The following CRACD variants were observed in gnomAD, a reference collection of about 807,000 sequenced individuals.
CRACD encodes the protein capping protein-inhibiting regulator of actin dynamics.
In CRACD, 56 loss-of-function variants were observed where a neutral mutation model predicts 106.8. The ratio of observed to expected loss-of-function variants is 0.52; its 90% CI spans 0.42 to 0.66. The LOEUF (loss-of-function observed/expected upper bound fraction) is 0.66. Among genes scored for constraint, CRACD ranks in the 30% least tolerant of loss-of-function variants. CRACD has a pLI of 0.00. For synonymous variants in CRACD, 754 were observed against 670.8 expected (o/e 1.12, Z -1.92); for missense variants, 1,730 against 1,623.2 (o/e 1.07, Z -1.13).
intron 1 of CRACD, among the ~76,000 whole-genome samples, chr4:56,152,167 G>A (rs1202499058): frequency 3.3e-5 from 5 of 150,516 alleles, no homozygotes; most frequent in African/African-American, 4.9e-5. Context: ...CTGCCACCAC[G>A]CCCAGCTAAT....
intron 3 of CRACD, among the ~76,000 whole-genome samples, chr4:56,278,993 C>T (rs1467262988): frequency 6.6e-6 from 1 of 152,108 alleles, no homozygotes; most frequent in Non-Finnish European, 1.5e-5. Context: ...TAGACAGTAA[C>T]AAGTGTTGAT....
intron 5 of CRACD, among the ~76,000 whole-genome samples, chr4:56,310,299 G>A (rs1483154443): frequency 6.6e-6 from 1 of 152,114 alleles, no homozygotes; most frequent in Non-Finnish European, 1.5e-5. Flanking sequence ...CAGCCAGCAA[G>A]GCCAAAAGCA....
intron 2 of CRACD, among the ~76,000 whole-genome samples, chr4:56,228,674 TGTGGGTTGCG>T (rs368352185): frequency 0.01 from 1,528 of 147,648 alleles, 7 homozygotes; most frequent in Non-Finnish European, 0.018. Context: ...AAGCAGCTAG[TGTGGGTTGCG>T]GAGAAATCGG....
At chr4:56,114,457 G>C (rs1734216977) in intron 1 of CRACD, among the ~76,000 whole-genome samples, 1 of 152,052 alleles carries the variant, frequency 6.6e-6, no homozygotes, top group Non-Finnish European at 1.5e-5. Context: ...GTATAGCTGT[G>C]AGGGAGTCGG....
intron 1 of CRACD, among the ~76,000 whole-genome samples, chr4:56,176,595 A>AT (rs1736594723): frequency 2.0e-5 from 3 of 151,744 alleles, no homozygotes; most frequent in Admixed American, 6.6e-5. Flanking sequence ...CGCCCGGCTA[A>AT]TTTTTTTGTT....
At chr4:56,267,557 G>A (rs1020155510) in intron 2 of CRACD, among the ~76,000 whole-genome samples, 2 of 152,188 alleles carry the variant, frequency 1.3e-5, no homozygotes, top group African/African-American at 4.8e-5. Context: ...TTTAATGATA[G>A]CATCTATGTT....
At chr4:56,099,674 A>G (rs1456941819) in intron 1 of CRACD, among the ~76,000 whole-genome samples, 1 of 152,184 alleles carries the variant, frequency 6.6e-6, no homozygotes, top group South Asian at 2.1e-4. Flanking sequence ...GGCCAAGCCA[A>G]CAGAGTTCAA....
At chr4:56,210,458 G>C (rs1199794586) in intron 2 of CRACD, among the ~76,000 whole-genome samples, 1 of 152,142 alleles carries the variant, frequency 6.6e-6, no homozygotes, top group Non-Finnish European at 1.5e-5. Flanking sequence ...ACTTTTCAAA[G>C]TTTCTTCCCA....
chr4:56,067,772 C>T (rs1315562499), intron 1 of CRACD, among the ~76,000 whole-genome samples: 2 of 152,066 alleles, frequency 1.3e-5, no homozygotes, highest in East Asian at 1.9e-4. Context: ...GATGGGGTTT[C>T]ACCATGTTGG....
chr4:56,078,782 G>A (rs1732926206), intron 1 of CRACD, among the ~76,000 whole-genome samples: 1 of 152,132 alleles, frequency 6.6e-6, no homozygotes, highest in South Asian at 2.1e-4. Context: ...GTTCTCATCT[G>A]GGAGATCAGG....
At chr4:56,110,112 TTACA>T (rs1384331206) in intron 1 of CRACD, among the ~76,000 whole-genome samples, 11 of 152,124 alleles carry the variant, frequency 7.2e-5, no homozygotes, top group Non-Finnish European at 1.6e-4. Flanking sequence ...GCAAATCAGG[TTACA>T]TACCCAAAGT....
chr4:56,263,573 T>C (rs1741829273), intron 2 of CRACD, among the ~76,000 whole-genome samples: 1 of 152,150 alleles, frequency 6.6e-6, no homozygotes, highest in Non-Finnish European at 1.5e-5. Flanking sequence ...TCTCCTCCTC[T>C]TATGAGAGAA....
chr4:56,256,811 G>C, intron 2 of CRACD, among the ~76,000 whole-genome samples: 1 of 152,174 alleles, frequency 6.6e-6, no homozygotes, highest in East Asian at 1.9e-4. Context: ...CCAACAGATT[G>C]AATGGACCCC....
In CRACD at chr4:56,329,605, T is replaced by C. The variant is rs1264105082; in HGVS notation, c.*1801T>C. Among the ~76,000 whole-genome samples, 1 of 152,234 alleles carries C rather than the reference T, an allele frequency of 6.6e-6. No homozygotes were observed. Among genetic ancestry groups the C allele is most frequent in the African/African-American group, 2.4e-5 (1 of 41,470 alleles). On this transcript the variant is annotated 3_prime_UTR_variant, in exon 11 of 11. Coordinates refer to ENST00000682029, the MANE Select transcript of CRACD (RefSeq NM_001393381.1). ...TCAATGTAACCTTTTTTTATTGCTA[T>C]GGCAAGCAATTAGTATTTCACTGCA...
At chr4:56,182,860 G>GGTGTGT (rs1560474906) in intron 2 of CRACD, among the ~76,000 whole-genome samples, 1 of 97,344 alleles carries the variant, frequency 1.0e-5, no homozygotes, top group Non-Finnish European at 1.8e-5. Context: ...AGAAAAAAAA[G>GGTGTGT]ATATGTGTGT....
intron 2 of CRACD, among the ~76,000 whole-genome samples, chr4:56,205,187 TC>T (rs1397799492): frequency 5.9e-5 from 9 of 151,940 alleles, no homozygotes; most frequent in Admixed American, 3.9e-4. Context: ...TAAAAAGACA[TC>T]AGATTCCCTT....
intron 3 of CRACD, among the ~76,000 whole-genome samples, chr4:56,280,931 C>T (rs946823594): frequency 6.6e-6 from 1 of 152,130 alleles, no homozygotes; most frequent in African/African-American, 2.4e-5. Flanking sequence ...TATCCTCTAT[C>T]CTTAGGAAGC....
intron 1 of CRACD, among the ~76,000 whole-genome samples, chr4:56,144,774 C>T (rs1473599093): frequency 6.6e-6 from 1 of 151,924 alleles, no homozygotes; most frequent in South Asian, 2.1e-4. Flanking sequence ...CCTGTCTCAG[C>T]CCCCCAGTAG....
At chr4:56,067,619 AGGC>A (rs1164876194) in intron 1 of CRACD, among the ~76,000 whole-genome samples, 6 of 152,170 alleles carry the variant, frequency 3.9e-5, no homozygotes, top group Non-Finnish European at 8.8e-5. Context: ...TCTGTCACCC[AGGC>A]TGGAGTGCAG....
Sources: gnomAD v4.1 joint callset for allele counts (sites outside exome capture counted in the v4.1 genomes callset) on GRCh38, gnomAD v4.1.1 for gene constraint, MANE v1.5 for transcripts, NCBI Gene and HGNC (gene_info 2026-07-23, HGNC 2026-07-21) for gene names.